The following NAV1 variants were observed in gnomAD, a reference collection of about 807,000 sequenced individuals.
NAV1 encodes pore membrane and/or filament interacting like protein 3.
In NAV1, 18 loss-of-function variants were observed where a neutral mutation model predicts 175.2. The ratio of observed to expected loss-of-function variants is 0.10; its 90% CI spans 0.07 to 0.15. The LOEUF (loss-of-function observed/expected upper bound fraction) is 0.15. Ranked by LOEUF, NAV1 falls within the 10% of genes least tolerant of loss-of-function variation. The pLI is 1.00. For synonymous variants in NAV1, 897 were observed against 978.7 expected (o/e 0.92, Z 1.56); for missense variants, 1,731 against 2,436.6 (o/e 0.71, Z 6.10).
At chr1:201,575,413 A>G (rs112371213) in intron 1 of NAV1, among the ~76,000 whole-genome samples, 2 of 152,200 alleles carry the variant, frequency 1.3e-5, no homozygotes, top group Admixed American at 1.3e-4. Flanking sequence ...TAGCATGTCC[A>G]GTTCAACTCA....
At chr1:201,590,617 C>A (rs1187378571) in intron 2 of NAV1, among the ~76,000 whole-genome samples, 2 of 152,194 alleles carry the variant, frequency 1.3e-5, no homozygotes, top group Non-Finnish European at 2.9e-5. Flanking sequence ...TGCGAGGTGC[C>A]CAGGCCCAGC....
intron 2 of NAV1, among the ~76,000 whole-genome samples, chr1:201,632,118 T>G (rs1668495753): frequency 6.6e-6 from 1 of 152,082 alleles, no homozygotes; most frequent in Non-Finnish European, 1.5e-5. Context: ...GGGGGGTGAG[T>G]GCAGAGTCTT....
At chr1:201,654,527 C>T (rs1252730805) in intron 1 of NAV1, among the ~76,000 whole-genome samples, 2 of 151,976 alleles carry the variant, frequency 1.3e-5, no homozygotes, top group African/African-American at 2.4e-5. Flanking sequence ...CAGCCTCTGA[C>T]CCTGAGGGTG....
chr1:201,786,529 C>A lies in NAV1; in HGVS notation c.2947C>A (p.Pro983Thr), dbSNP rs145865304. 8.6e-4 allele frequency: 1,384 copies of A among 1,613,922 alleles called. 2 individuals are homozygous for A. The highest frequency in any genetic ancestry group is 1.1e-3 in the Non-Finnish European group (1,241 of 1,179,934). Residue 983 changes from proline to threonine, a missense_variant, in exon 9 of 30, where the codon CCT (proline) becomes ACT (threonine). Pro to Thr is a conservative substitution (Grantham distance 38, BLOSUM62 -1). Around this residue, in one of 13 missense-constraint regions of NAV1, gnomAD observed 634 missense variants for 766.8 expected, o/e 0.83. Transcript: ENST00000367296. ...TGACCAGTCAGAGCTGCCTTCTCCCCCTGCACTTCCCATGTCTCTGAGTGC... is the reference window on the plus strand; with the variant it reads ...TGACCAGTCAGAGCTGCCTTCTCCCACTGCACTTCCCATGTCTCTGAGTGC...
rs1301140818 is a variant in NAV1, at chr1:201,788,631, G to A, written c.3159G>A (p.Thr1053=). The A allele has an allele frequency of 1.9e-6, 3 of 1,610,946 alleles. No homozygotes were observed. Among genetic ancestry groups the A allele is most frequent in the East Asian group, 2.2e-5 (1 of 44,804 alleles). ...GGTCAGGATCCTTCCGAGACCCCAC[G>A]GACGATGGTGAGACTTCATGCTAGC... The change falls in exon 10 of 30, where the codon ACG becomes ACA. Residue 1053 remains threonine, a synonymous_variant. Coordinates refer to ENST00000367296, the Ensembl canonical transcript of NAV1. The surrounding 1 kb of genome is among the most constrained non-coding windows in gnomAD (Gnocchi z 5.7).
Position 201,718,719 on chromosome 1 carries a change from G to A in NAV1, c.1190G>A (p.Gly397Asp). 1 of 1,613,842 alleles carries A rather than the reference G, an allele frequency of 6.2e-7. No individual in the cohort carries two copies. The highest frequency in any genetic ancestry group is 1.1e-5 in the South Asian group (1 of 91,072). The change falls in exon 3 of 30, where the codon GGC becomes GAC. Residue 397 changes from glycine (G) to aspartate (D), a missense_variant. By Grantham distance (94) the Gly-to-Asp change is moderately conservative. Around this residue, in one of 13 missense-constraint regions of NAV1, gnomAD observed 487 missense variants for 581.3 expected, o/e 0.84. Coordinates refer to ENST00000367296, the Ensembl canonical transcript of NAV1. The surrounding 1 kb of genome is among the most constrained non-coding windows in gnomAD (Gnocchi z 4.8). ...TACATGAGCGACAGTGACCTCATGG[G>A]CAAGACCATGACGGAGGATGATGAC...
intron 1 of NAV1, chr1:201,688,407 G>A (rs1670764880): frequency 6.6e-6 from 1 of 152,222 alleles, no homozygotes; most frequent in Non-Finnish European, 1.5e-5. Context: ...GGGATGTTTT[G>A]AAGAATCTGT....
intron 3 of NAV1, chr1:201,723,283 A>T (rs1672468558): frequency 6.6e-6 from 1 of 152,118 alleles, no homozygotes; most frequent in East Asian, 1.9e-4. Context: ...TGTGTTGTTT[A>T]ATTTCTTTTT....
intron 3 of NAV1, among the ~76,000 whole-genome samples, chr1:201,758,214 C>T (rs1674633662): frequency 6.6e-6 from 1 of 152,212 alleles, no homozygotes; most frequent in Non-Finnish European, 1.5e-5. Flanking sequence ...GCCTGTCCCA[C>T]CACATGTGAA....
chr1:201,657,085 C>G (rs570874026), intron 1 of NAV1, among the ~76,000 whole-genome samples: 1 of 152,302 alleles, frequency 6.6e-6, no homozygotes, highest in South Asian at 2.1e-4. Flanking sequence ...GCTCCTGGGA[C>G]CTGATTATCC....
chr1:201,804,945 G>A (rs1391375769), intron 17 of NAV1, among the ~76,000 whole-genome samples: 1 of 152,154 alleles, frequency 6.6e-6, no homozygotes, highest in East Asian at 1.9e-4. Flanking sequence ...GGCCTAACCT[G>A]AAGATTTAGC....
intron 15 of NAV1, among the ~76,000 whole-genome samples, chr1:201,802,301 T>G (rs1296531141): frequency 2.3e-4 from 15 of 66,252 alleles, no homozygotes; most frequent in Non-Finnish European, 2.9e-4. Flanking sequence ...GTGAAACACC[T>G]TCTCAAAAAA....
At chr1:201,756,862 TTCTTTCTTTCTTTCTTTC>T (rs1674533423) in intron 3 of NAV1, among the ~76,000 whole-genome samples, 2 of 100,796 alleles carry the variant, frequency 2.0e-5, no homozygotes, top group Non-Finnish European at 4.5e-5. Flanking sequence ...CTTTCTTTCT[TTCTTTCTTTCTTTCTTTC>T]TTTCTCTGTC....
intron 1 of NAV1, among the ~76,000 whole-genome samples, chr1:201,667,738 T>G (rs143031630): frequency 1.7e-3 from 260 of 152,310 alleles, no homozygotes; most frequent in Non-Finnish European, 1.6e-3. Context: ...CTTTTAAGCC[T>G]CATAAATATG....
rs775388093 is a variant in NAV1 at position 201,782,575 on chromosome 1, G to C, written c.2063G>C (p.Arg688Pro). ...AGTTCTATGAGCGTGACCGGCGGGC[G>C]GGGTGGACCTCGCCCTGTGAGCAGC... Residue 688 changes from arginine to proline, a missense_variant, in exon 6 of 30, where the codon CGG becomes CCG. Physicochemically the swap from Arg to Pro is moderately radical, Grantham distance 103. Transcript: ENST00000367296. The surrounding 1 kb of genome is among the most constrained non-coding windows in gnomAD (Gnocchi z 5.4). 1.9e-6 allele frequency: 3 copies of C among 1,611,782 alleles called. No individual in the cohort carries two copies. In the African/African-American group the frequency reaches 4.0e-5, roughly 22 times the overall value.
intron 3 of NAV1, among the ~76,000 whole-genome samples, chr1:201,725,508 C>G (rs1291174632): frequency 6.6e-6 from 1 of 151,938 alleles, no homozygotes; most frequent in African/African-American, 2.4e-5. Context: ...CATGGCAGCA[C>G]GTGCCTATGG....
chr1:201,561,375 G>A (rs991350712), intron 1 of NAV1, among the ~76,000 whole-genome samples: 2 of 152,208 alleles, frequency 1.3e-5, no homozygotes, highest in Non-Finnish European at 2.9e-5. Flanking sequence ...ATCACACATG[G>A]TGTTACGCAA....
At chr1:201,770,741 T>C (rs933562010) in intron 3 of NAV1, among the ~76,000 whole-genome samples, 1 of 152,068 alleles carries the variant, frequency 6.6e-6, no homozygotes, top group African/African-American at 2.4e-5. Flanking sequence ...AGGCTGGCCA[T>C]AAGGAGCCCT....
intron 8 of NAV1, 67 bp from the exon 13 acceptor site, chr1:201,786,362 C>A: frequency 6.6e-7 from 1 of 1,512,196 alleles, no homozygotes; most frequent in Non-Finnish European, 9.0e-7. Context: ...CAGACACCCT[C>A]CGCACCAACT....
Sources: allele counts gnomAD v4.1 joint callset (sites outside exome capture counted in the v4.1 genomes callset), GRCh38; gene constraint gnomAD v4.1.1; regional missense constraint gnomAD v4.1.1; non-coding constraint Gnocchi (gnomAD v3.1); transcripts MANE v1.5; gene names NCBI Gene and HGNC (gene_info 2026-07-23, HGNC 2026-07-21).